The following DPH6 variants were observed in gnomAD, a reference collection of about 807,000 sequenced individuals.
The protein encoded by DPH6 is diphthamine biosynthesis 6, also known as diphthine--ammonia ligase.
In DPH6, 33 loss-of-function variants were observed where a neutral mutation model predicts 38.2. The observed-to-expected ratio is 0.86, with a 90% CI of 0.65 to 1.15. DPH6 has a LOEUF of 1.15. DPH6 is among the 50% of genes most tolerant of loss of function. The pLI, the probability that DPH6 is intolerant of heterozygous loss-of-function variation, is 0.00. For synonymous variants in DPH6, 108 were observed against 103.0 expected, an observed-to-expected ratio of 1.05 and a Z score of -0.30; for missense variants, 325 against 320.0, an observed-to-expected ratio of 1.02 and a Z score of -0.12.
intron 7 of DPH6, among the ~76,000 whole-genome samples, chr15:35,377,651 A>G (rs973800208): frequency 5.3e-5 from 8 of 152,152 alleles, no homozygotes; most frequent in Non-Finnish European, 7.3e-5. Flanking sequence ...TCATTTTCTC[A>G]TCTCAAAATT....
intron 3 of DPH6, among the ~76,000 whole-genome samples, chr15:35,280,220 T>C (rs917808763): frequency 6.6e-6 from 1 of 152,238 alleles, no homozygotes; most frequent in Non-Finnish European, 1.5e-5. Flanking sequence ...TTCCAATTCA[T>C]AGTAGCCTTC....
intron 3 of DPH6, among the ~76,000 whole-genome samples, chr15:35,350,419 T>C (rs745729351): frequency 6.6e-6 from 1 of 152,046 alleles, no homozygotes; most frequent in Non-Finnish European, 1.5e-5. Context: ...ATTGTTTTTA[T>C]TCTCTGCTTC....
At chr15:35,194,401 G>A in the DPH6 span, among the ~76,000 whole-genome samples, 1 of 149,780 alleles carries the variant, frequency 6.7e-6, no homozygotes, top group South Asian at 2.1e-4. Context: ...GAGAGATAGA[G>A]AGAGAGAGAG....
At chr15:35,264,467 G>C (rs2140421401) in intron 3 of DPH6, among the ~76,000 whole-genome samples, 1 of 152,166 alleles carries the variant, frequency 6.6e-6, no homozygotes, top group South Asian at 2.1e-4. Context: ...AAGCGTAATG[G>C]ACTTTCTCTG....
intron 3 of DPH6, among the ~76,000 whole-genome samples, chr15:35,277,770 C>G (rs776723154): frequency 2.0e-5 from 3 of 152,142 alleles, no homozygotes; most frequent in Non-Finnish European, 4.4e-5. Flanking sequence ...AAGAACTTGG[C>G]TGCATTGTGT....
In DPH6 at chr15:35,358,394, T is replaced by G. The variant is rs372740240; in HGVS notation, n.207+15127A>C. 6.6e-5 allele frequency among the ~76,000 whole-genome samples: 10 copies of G among 152,324 alleles called. No individual in the cohort carries two copies. The East Asian group carries it at 1.5e-3, about 23-fold the overall frequency. ...TTCTTTTTCAGGTAAATCAGGGATT[T>G]CTTCTTCATTTGGAGCCATTGCTGG... On this transcript the variant is annotated intron_variant and non_coding_transcript_variant, in intron 3 of 3. Coordinates refer to the DPH6 transcript ENST00000558973.
At chr15:35,538,177 T>C in intron 3 of DPH6, 97 bp downstream of exon 3, 2 of 1,147,818 alleles carry the variant, frequency 1.7e-6, no homozygotes, top group South Asian at 5.6e-5. Flanking sequence ...GTTGGGCTAC[T>C]AACAATTGCA....
the DPH6 span, among the ~76,000 whole-genome samples, chr15:35,200,423 T>A: frequency 6.6e-6 from 1 of 152,164 alleles, no homozygotes; most frequent in African/African-American, 2.4e-5. Flanking sequence ...AACTCCTTTG[T>A]TGGACTGTAT....
At chr15:35,440,692 A>C (rs562853559) in intron 5 of DPH6, among the ~76,000 whole-genome samples, 11 of 152,338 alleles carry the variant, frequency 7.2e-5, no homozygotes, top group Non-Finnish European at 1.3e-4. Context: ...TTGCCTGGGC[A>C]TGCCTGCAAC....
At chr15:35,423,109 C>CT (rs2053526444) in intron 5 of DPH6, among the ~76,000 whole-genome samples, 1 of 151,746 alleles carries the variant, frequency 6.6e-6, no homozygotes, top group Non-Finnish European at 1.5e-5. Flanking sequence ...ACAGTAGTTA[C>CT]ATTTTAAAAA....
chr15:35,246,643 G>T (rs559063721), intron 3 of DPH6, among the ~76,000 whole-genome samples: 25 of 152,270 alleles, frequency 1.6e-4, no homozygotes, highest in East Asian at 9.6e-4. Flanking sequence ...GAACATTAAG[G>T]GGGTAAATTT....
intron 3 of DPH6, among the ~76,000 whole-genome samples, chr15:35,512,928 C>T (rs1467996049): frequency 1.3e-5 from 2 of 151,526 alleles, no homozygotes; most frequent in Admixed American, 6.6e-5. Context: ...CATCAAAGTG[C>T]TATTATTTAC....
intron 6 of DPH6, among the ~76,000 whole-genome samples, chr15:35,382,260 A>C (rs567888909): frequency 1.4e-4 from 21 of 151,870 alleles, no homozygotes; most frequent in East Asian, 3.9e-4. Context: ...ATGGTGAAAC[A>C]CCGTCTCTAC....
At chr15:35,448,021 A>G (rs757434955) in intron 5 of DPH6, among the ~76,000 whole-genome samples, 4 of 152,150 alleles carry the variant, frequency 2.6e-5, no homozygotes, top group Admixed American at 6.5e-5. Context: ...TTGCAAACAA[A>G]TATATCTTTC....
chr15:35,236,271 T>C (rs564096286), intron 3 of DPH6, among the ~76,000 whole-genome samples: 2 of 152,328 alleles, frequency 1.3e-5, no homozygotes, highest in East Asian at 1.9e-4. Context: ...TAATTTAGTA[T>C]AGTTAAAAAG....
intron 3 of DPH6, among the ~76,000 whole-genome samples, chr15:35,323,626 A>G (rs975969296): frequency 3.3e-5 from 5 of 152,150 alleles, no homozygotes; most frequent in Admixed American, 3.3e-4. Flanking sequence ...GGATCATTTC[A>G]TCTTTATGTA....
chr15:35,398,579 G>A (rs2053177315), intron 6 of DPH6, among the ~76,000 whole-genome samples: 1 of 152,184 alleles, frequency 6.6e-6, no homozygotes, highest in Non-Finnish European at 1.5e-5. Context: ...ATTGCCCTAT[G>A]CATCTCTGCA....
intron 6 of DPH6, among the ~76,000 whole-genome samples, chr15:35,384,674 AAAT>A: frequency 1.3e-5 from 2 of 152,086 alleles, no homozygotes; most frequent in Admixed American, 6.5e-5. Flanking sequence ...AAAAAAATAA[AAAT>A]AAAAATAAAA....
chr15:35,246,770 TG>T (rs2051640330), intron 3 of DPH6, among the ~76,000 whole-genome samples: 1 of 152,176 alleles, frequency 6.6e-6, no homozygotes, highest in African/African-American at 2.4e-5. Flanking sequence ...GGCTCAGACG[TG>T]GGAAGCTTAA....
Sources: gnomAD v4.1 joint callset for allele counts (sites outside exome capture counted in the v4.1 genomes callset) on GRCh38, gnomAD v4.1.1 for gene constraint, MANE v1.5 for transcripts, NCBI Gene and HGNC (gene_info 2026-07-23, HGNC 2026-07-21) for gene names.